ASTN2: variants seen among roughly 807,000 people sequenced by gnomAD.
The protein encoded by ASTN2 is astrotactin-2.
In ASTN2, 54 loss-of-function variants were observed where a neutral mutation model predicts 139.8. The ratio of observed to expected loss-of-function variants is 0.39; its 90% CI spans 0.31 to 0.48. ASTN2 has a LOEUF of 0.48. ASTN2 is among the 20% of genes least tolerant of loss of function. The probability of loss-of-function intolerance (pLI) is 0.95; values close to 1 mark genes in which losing one functional copy is unlikely to be tolerated. For missense variants in ASTN2, 1,565 were observed against 1,725.1 expected (o/e 0.91, Z 1.64); for synonymous variants, 756 against 719.5 (o/e 1.05, Z -0.81).
intron 22 of ASTN2, among the ~76,000 whole-genome samples, chr9:116,428,584 A>C (rs564775921): frequency 6.6e-6 from 1 of 152,286 alleles, no homozygotes; most frequent in African/African-American, 2.4e-5. Context: ...TGTTCTGAGA[A>C]TTTATGGCTA....
intron 1 of ASTN2, among the ~76,000 whole-genome samples, chr9:117,334,024 T>C (rs937753222): frequency 6.6e-6 from 1 of 152,198 alleles, no homozygotes; most frequent in African/African-American, 2.4e-5. Context: ...CAACAAACTT[T>C]TCTTTGTAAA....
intron 1 of ASTN2, among the ~76,000 whole-genome samples, chr9:117,405,917 G>A (rs898910409): frequency 2.6e-5 from 4 of 152,142 alleles, no homozygotes; most frequent in Admixed American, 6.5e-5. Context: ...AAATAATCAG[G>A]AGACAGGAGA....
At position 116,733,405 on chromosome 9, in the gene ASTN2, G is replaced by C; in HGVS notation, c.2515C>G (p.Leu839Val). 6.2e-7 allele frequency: 1 copy of C among 1,614,092 alleles called. No individual in the cohort carries two copies. The highest frequency in any genetic ancestry group is 8.5e-7 in the Non-Finnish European group (1 of 1,180,000). ...LSEPLPDLQL[L>V]TGDIRYDEAM... ...TCTGGCACATGTGTCTTACCAGTGA[G>C]CAGTTGGAGGTCTGGAAGGGGCTCG... Residue 839 changes from leucine (L) to valine (V), a missense_variant, in exon 14 of 23, where the codon CTC becomes GTC. By Grantham distance (32) the Leu-to-Val change is conservative (BLOSUM62 1). Coordinates refer to ENST00000313400, the MANE Select transcript of ASTN2 (RefSeq NM_001365068.1).
At chr9:117,295,332 T>C (rs1231821943) in intron 1 of ASTN2, among the ~76,000 whole-genome samples, 1 of 151,808 alleles carries the variant, frequency 6.6e-6, no homozygotes, top group East Asian at 1.9e-4. Flanking sequence ...TAAAATAAAA[T>C]AAAATAAAAT....
At position 116,770,211 on chromosome 9, in the gene ASTN2, A is replaced by G. The variant is rs142255833; in HGVS notation, c.2396+35421T>C. Among the ~76,000 whole-genome samples, 50 of 152,248 alleles carry G rather than the reference A, an allele frequency of 3.3e-4. No individual in the cohort carries two copies. In the East Asian group the frequency reaches 9.5e-3, roughly 29 times the overall value. ...AGACCCAGCCGATATTGGAGAACAT[A>G]GATGGGGGTTGGTGCCCATTTGCAC... is the stretch of plus-strand genomic sequence containing the variant. On this transcript the variant is annotated intron_variant, in intron 13 of 22. Coordinates refer to ENST00000313400, the MANE Select transcript of ASTN2 (RefSeq NM_001365068.1).
At chr9:116,586,263 T>C (rs1854139715) in intron 19 of ASTN2, 1 of 152,308 alleles carries the variant, frequency 6.6e-6, no homozygotes, top group Middle Eastern at 3.4e-3. Flanking sequence ...CTTAGAATTA[T>C]CATTCAACCC....
chr9:116,705,206 G>C (rs1365490827), intron 16 of ASTN2, among the ~76,000 whole-genome samples: 10 of 152,116 alleles, frequency 6.6e-5, no homozygotes, highest in Non-Finnish European at 1.3e-4. Context: ...CACTAGTAAT[G>C]ACTGTTTCAC....
intron 19 of ASTN2, among the ~76,000 whole-genome samples, chr9:116,573,315 A>G (rs753300792): frequency 6.6e-6 from 1 of 152,206 alleles, no homozygotes; most frequent in Non-Finnish European, 1.5e-5. Flanking sequence ...GTTCTTCAGA[A>G]CATTACCTCC....
intron 19 of ASTN2, among the ~76,000 whole-genome samples, chr9:116,616,241 A>G (rs1053389682): frequency 3.9e-5 from 6 of 152,202 alleles, no homozygotes; most frequent in Admixed American, 2.0e-4. Context: ...AAGCAAGACT[A>G]GGTGATCTCC....
chr9:117,192,673 C>A (rs1301445002), intron 3 of ASTN2, among the ~76,000 whole-genome samples: 1 of 152,124 alleles, frequency 6.6e-6, no homozygotes, highest in Non-Finnish European at 1.5e-5. Flanking sequence ...AGGGGGAGAG[C>A]AATGTAGATA....
At chr9:116,672,221 C>G (rs996081825) in intron 16 of ASTN2, among the ~76,000 whole-genome samples, 11 of 151,956 alleles carry the variant, frequency 7.2e-5, no homozygotes, top group Admixed American at 1.3e-4. Context: ...AAAACATTAC[C>G]TAGGCATGGT....
At chr9:117,061,754 C>A (rs10983486) in intron 5 of ASTN2, among the ~76,000 whole-genome samples, 74,650 of 151,516 alleles carry the variant, frequency 0.49, 19,162 homozygotes, top group Non-Finnish European at 0.58. Flanking sequence ...CAATGGGAGA[C>A]TGAAGAGGGA....
intron 1 of ASTN2, among the ~76,000 whole-genome samples, chr9:117,394,832 C>T (rs1042306025): frequency 3.9e-5 from 6 of 152,110 alleles, no homozygotes; most frequent in Non-Finnish European, 8.8e-5. Flanking sequence ...AGGGAATTTA[C>T]TCTTAATCCT....
chr9:116,443,136 G>A (rs1847888089), intron 20 of ASTN2, among the ~76,000 whole-genome samples: 1 of 152,240 alleles, frequency 6.6e-6, no homozygotes, highest in African/African-American at 2.4e-5. Context: ...GGAGCATGGG[G>A]AGTATGGGCT....
Position 117,414,081 on chromosome 9 carries a change from G to A in ASTN2, c.442+416C>T, listed in dbSNP as rs977120762. 6.6e-6 allele frequency among the ~76,000 whole-genome samples: 1 copy of A among 152,190 alleles called. No individual in the cohort carries two copies. Among genetic ancestry groups the A allele is most frequent in the Non-Finnish European group, 1.5e-5 (1 of 68,036 alleles). On this transcript the variant is annotated intron_variant, in intron 1 of 22. Transcript: ENST00000313400. The surrounding 1 kb of genome is among the most constrained non-coding windows in gnomAD (Gnocchi z 4.2). The stretch of plus-strand genomic sequence containing the variant: ...CCCGCAACTCCGAGGCGAGAGCGAG[G>A]GGGCGGTGACGGCGGGTGGCCAGTG...
intron 6 of ASTN2, among the ~76,000 whole-genome samples, chr9:117,034,534 A>C (rs1231866521): frequency 1.3e-5 from 2 of 152,172 alleles, no homozygotes; most frequent in African/African-American, 2.4e-5. Context: ...AAGGAGTCTG[A>C]AGAAGTGATC....
intron 13 of ASTN2, among the ~76,000 whole-genome samples, chr9:116,770,132 C>T (rs926358744): frequency 9.9e-5 from 15 of 150,942 alleles, no homozygotes; most frequent in Admixed American, 6.6e-4. Context: ...AAAAAGCTAC[C>T]GCAAGGATAG....
chr9:117,033,312 T>A (rs1163594611), intron 6 of ASTN2, among the ~76,000 whole-genome samples: 1 of 152,156 alleles, frequency 6.6e-6, no homozygotes, highest in Admixed American at 6.6e-5. Flanking sequence ...CTCATTACCC[T>A]GCAATGACCC....
At chr9:117,002,835 T>A (rs1006463474) in intron 7 of ASTN2, among the ~76,000 whole-genome samples, 1 of 152,092 alleles carries the variant, frequency 6.6e-6, no homozygotes, top group Non-Finnish European at 1.5e-5. Context: ...GAAAGAACAA[T>A]GACTCCATAG....
Sources: gnomAD v4.1 joint callset for allele counts (sites outside exome capture counted in the v4.1 genomes callset) on GRCh38, gnomAD v4.1.1 for gene constraint, Gnocchi (gnomAD v3.1) non-coding constraint, MANE v1.5 for transcripts, NCBI Gene and HGNC (gene_info 2026-07-23, HGNC 2026-07-21) for gene names.